Variants in PKHD1 observed in about 807,000 individuals in gnomAD.
PKHD1 encodes fibrocystin.
A neutral mutation model predicts 412.0 loss-of-function variants in PKHD1; 291 were observed. That is an observed-to-expected ratio of 0.71 (90% CI 0.64 to 0.78). The LOEUF (loss-of-function observed/expected upper bound fraction) is 0.78, where lower values mean the gene tolerates loss of function less well. Ranked by LOEUF, PKHD1 falls within the 30% of genes least tolerant of loss-of-function variation. PKHD1 has a pLI of 0.00. For synonymous variants in PKHD1, 1,777 were observed against 1,821.5 expected (o/e 0.98, Z 0.62); for missense variants, 4,825 against 4,950.7 (o/e 0.97, Z 0.76).
intron 45 of PKHD1, 59 bp from the exon 46 acceptor site, chr6:51,883,286 C>T: frequency 6.9e-7 from 1 of 1,447,742 alleles, no homozygotes; most frequent in Non-Finnish European, 9.7e-7. Context: ...TGCGGACTTC[C>T]TGTAGCTTTT....
chr6:51,807,626 C>T lies in PKHD1; in HGVS notation c.8303-16253G>A, dbSNP rs150376289. ...TAAAAGTAACTAATGAGAATTAATA[C>T]GTAAGAATGAGTGACTGCTGTATAA... On this transcript the variant is annotated intron_variant, in intron 52 of 66. Transcript: ENST00000371117. 5.2e-4 allele frequency among the ~76,000 whole-genome samples: 79 copies of T among 150,904 alleles called. 1 individual carries two copies. The highest frequency in any genetic ancestry group is 1.7e-3 in the African/African-American group (68 of 41,078).
chr6:51,897,067 G>A (rs893821236), intron 43 of PKHD1, among the ~76,000 whole-genome samples: 3 of 151,360 alleles, frequency 2.0e-5, no homozygotes, highest in African/African-American at 7.3e-5. Flanking sequence ...GGGGAGAATG[G>A]AACCAAGTTG....
At chr6:51,709,982 G>A (rs899248338) in intron 60 of PKHD1, among the ~76,000 whole-genome samples, 2 of 152,012 alleles carry the variant, frequency 1.3e-5, no homozygotes, top group African/African-American at 4.8e-5. Context: ...GCCGAGGAGG[G>A]CGGATCACCT....
chr6:51,693,535 TTA>T (rs1778424355), intron 60 of PKHD1, among the ~76,000 whole-genome samples: 1 of 152,214 alleles, frequency 6.6e-6, no homozygotes, highest in Admixed American at 6.5e-5. Flanking sequence ...CATGTTATTT[TTA>T]TCTCTATCAA....
intron 63 of PKHD1, among the ~76,000 whole-genome samples, chr6:51,645,136 T>A (rs1769923553): frequency 6.6e-6 from 1 of 152,200 alleles, no homozygotes; most frequent in South Asian, 2.1e-4. Flanking sequence ...TACTGGCTAA[T>A]CTCAAAGAAT....
In PKHD1 at chr6:51,989,336, G is replaced by A. The variant is rs1052040132; in HGVS notation, c.5751+20973C>T. ...AAACATGTTTCAAGGCTAAAAAGGA[G>A]CCAATTAAAGTTTCTATTATCATGA... is the stretch of plus-strand genomic sequence containing the variant. On this transcript the variant is annotated intron_variant, in intron 35 of 66. Coordinates refer to ENST00000371117, the MANE Select transcript of PKHD1 (RefSeq NM_138694.4). Among the ~76,000 whole-genome samples, 5 of 152,202 alleles carry A rather than the reference G, an allele frequency of 3.3e-5. No homozygotes were observed. The East Asian group carries it at 9.6e-4, about 29-fold the overall frequency.
intron 60 of PKHD1, chr6:51,721,720 C>T: frequency 1.5e-6 from 2 of 1,343,960 alleles, no homozygotes; most frequent in Non-Finnish European, 9.5e-7. Context: ...AATGGTGTCA[C>T]TGTTGACACC....
intron 35 of PKHD1, among the ~76,000 whole-genome samples, chr6:51,976,592 T>C (rs1794471225): frequency 6.6e-6 from 1 of 152,214 alleles, no homozygotes; most frequent in Admixed American, 6.5e-5. Flanking sequence ...CTAGATGTAC[T>C]AAATGTACAC....
intron 18 of PKHD1, 106 bp from the exon 19 acceptor site, chr6:52,055,835 C>T: frequency 8.1e-7 from 1 of 1,234,372 alleles, no homozygotes; most frequent in Non-Finnish European, 1.1e-6. Context: ...CTTAAGAAAA[C>T]CCCCGTTCTA....
Position 51,870,491 on chromosome 6 carries a change from T to C in PKHD1, c.7486+13A>G. On this transcript the variant is annotated intron_variant, in intron 47 of 66. Transcript: ENST00000371117. ...CCTTATTTATCATCTGTTCTGTCTA[T>C]TCAAATAATTACCTTGTCCTTGGGA... The C allele has an allele frequency of 6.2e-7, 1 of 1,604,328 alleles. No homozygotes were observed. The highest frequency in any genetic ancestry group is 8.5e-7 in the Non-Finnish European group (1 of 1,171,320).
intron 45 of PKHD1, among the ~76,000 whole-genome samples, chr6:51,885,275 C>T (rs1778028678): frequency 6.6e-6 from 1 of 152,098 alleles, no homozygotes; most frequent in Non-Finnish European, 1.5e-5. Context: ...TGAACATGAA[C>T]CTTTTCTTTT....
At chr6:51,886,039 G>A (rs1778160251) in intron 44 of PKHD1, 67 bp from the exon 45 acceptor site, 2 of 962,082 alleles carry the variant, frequency 2.1e-6, no homozygotes, top group Admixed American at 1.9e-5. Context: ...TTTTCTTGTT[G>A]AAAAATACAA....
At chr6:51,716,744 G>C (rs1327144308) in intron 60 of PKHD1, among the ~76,000 whole-genome samples, 3 of 152,014 alleles carry the variant, frequency 2.0e-5, no homozygotes, top group Non-Finnish European at 4.4e-5. Flanking sequence ...CCCTGGGCCT[G>C]ATATATAGAC....
chr6:51,847,710 A>C, intron 50 of PKHD1, 65 bp downstream of exon 50: 1 of 1,150,100 alleles, frequency 8.7e-7, no homozygotes, highest in Non-Finnish European at 1.3e-6. Context: ...AATGTCTGGA[A>C]TTGAAGGGTG....
In PKHD1 at chr6:51,722,341, G is replaced by A. The variant is rs72899385; in HGVS notation, c.10156+22044C>T. 0.032 allele frequency among the ~76,000 whole-genome samples: 4,852 copies of A among 152,100 alleles called. 118 individuals carry two copies. The highest frequency in any genetic ancestry group is 0.047 in the South Asian group (225 of 4,822). ...TTATTTCTTTGAGGTTCAAGGTTGC[G>A]TCTCACTTATGTCTAAACTCCCCAG... is the stretch of plus-strand genomic sequence containing the variant. On this transcript the variant is annotated intron_variant, in intron 60 of 66. Transcript: ENST00000371117.
chr6:52,001,432 C>CTT (rs781084036), intron 35 of PKHD1, among the ~76,000 whole-genome samples: 4 of 140,234 alleles, frequency 2.9e-5, no homozygotes, highest in East Asian at 2.0e-4. Flanking sequence ...GAATTTCTTC[C>CTT]TTTTTTTTTT....
chr6:51,781,003 AT>A (rs1289248595), intron 53 of PKHD1, among the ~76,000 whole-genome samples: 1 of 152,130 alleles, frequency 6.6e-6, no homozygotes, highest in Non-Finnish European at 1.5e-5. Flanking sequence ...AATTTCGTAC[AT>A]TTTTCCCTTG....
At chr6:51,835,298 A>G (rs983902867) in intron 51 of PKHD1, among the ~76,000 whole-genome samples, 1 of 152,158 alleles carries the variant, frequency 6.6e-6, no homozygotes, top group Non-Finnish European at 1.5e-5. Context: ...AGCTTCCCCA[A>G]CAGGTGTGTC....
chr6:52,034,334 G>A (rs1562192772), intron 28 of PKHD1, among the ~76,000 whole-genome samples: 1 of 146,584 alleles, frequency 6.8e-6, no homozygotes, highest in Non-Finnish European at 1.5e-5. Flanking sequence ...GTTTCAGGAA[G>A]GGGGACTTGA....
Sources: gnomAD v4.1 joint callset for allele counts (sites outside exome capture counted in the v4.1 genomes callset) on GRCh38, gnomAD v4.1.1 for gene constraint, MANE v1.5 for transcripts, NCBI Gene and HGNC (gene_info 2026-07-23, HGNC 2026-07-21) for gene names.